SERGEF: variants seen among roughly 807,000 people sequenced by gnomAD.
SERGEF encodes the protein secretion-regulating guanine nucleotide exchange factor.
In SERGEF, 51 loss-of-function variants were observed where a neutral mutation model predicts 50.0. That is an observed-to-expected ratio of 1.02 (90% CI 0.81 to 1.29). The LOEUF (loss-of-function observed/expected upper bound fraction) is 1.29, where lower values mean the gene tolerates loss of function less well. Among genes scored for constraint, SERGEF ranks in the 50% most tolerant of loss-of-function variants. The probability of loss-of-function intolerance (pLI) is 0.00; values close to 1 mark genes in which losing one functional copy is unlikely to be tolerated. For missense variants in SERGEF, 521 were observed against 557.0 expected (o/e 0.94, Z 0.65); for synonymous variants, 205 against 212.4 (o/e 0.97, Z 0.30).
chr11:17,874,245 T>C (rs566765915), intron 10 of SERGEF: 1 of 152,398 alleles, frequency 6.6e-6, no homozygotes, highest in Admixed American at 6.5e-5. Context: ...GAACAACTTC[T>C]GGGAGTGGGT....
chr11:17,986,862 C>A (rs1853610583), intron 8 of SERGEF, among the ~76,000 whole-genome samples: 1 of 152,208 alleles, frequency 6.6e-6, no homozygotes, highest in African/African-American at 2.4e-5. Context: ...ACATCTCATA[C>A]TGGAATGTAG....
intron 6 of SERGEF, among the ~76,000 whole-genome samples, chr11:17,994,978 C>T (rs1005916325): frequency 9.9e-5 from 15 of 152,044 alleles, no homozygotes; most frequent in Admixed American, 9.2e-4. Flanking sequence ...TACAGCCAAG[C>T]CTGGGTAAAC....
Position 17,873,661 on chromosome 11 carries a change from T to TGGAGGAGGA in SERGEF, c.1048+4538_1048+4546dup, listed in dbSNP as rs145195114. Reference sequence around the variant, plus strand: ...ATTTAGTAAAAGAACTGGCTCTGCTTGGAGGAGGAGGAGGAGGAGGAGGAG... The same window carrying TGGAGGAGGA: ...ATTTAGTAAAAGAACTGGCTCTGCTTGGAGGAGGAGGAGGAGGAGGAGGAGGAGGAGGAG... On this transcript the variant is annotated intron_variant, in intron 10 of 10. Coordinates refer to ENST00000265965, the MANE Select transcript of SERGEF (RefSeq NM_012139.4). 2.2e-3 allele frequency among the ~76,000 whole-genome samples: 321 copies of TGGAGGAGGA among 148,238 alleles called. 4 individuals carry two copies. In the East Asian group the frequency reaches 0.04, roughly 18 times the overall value.
At chr11:17,944,128 C>T (rs1199566375) in intron 9 of SERGEF, among the ~76,000 whole-genome samples, 3 of 152,044 alleles carry the variant, frequency 2.0e-5, no homozygotes, top group Non-Finnish European at 2.9e-5. Context: ...GGGGTTTCGT[C>T]GTGTTAGCCA....
chr11:18,003,650 C>A (rs1854013022), intron 4 of SERGEF, among the ~76,000 whole-genome samples: 1 of 152,198 alleles, frequency 6.6e-6, no homozygotes, highest in South Asian at 2.1e-4. Flanking sequence ...TTGCAGTGAG[C>A]CGGGATCGCG....
chr11:17,950,000 T>C (rs561991660), intron 9 of SERGEF, among the ~76,000 whole-genome samples: 1 of 152,252 alleles, frequency 6.6e-6, no homozygotes, highest in South Asian at 2.1e-4. Context: ...ACCTGATGCA[T>C]TATTGGTTAG....
At chr11:17,932,403 T>TA (rs200721746) in intron 9 of SERGEF, among the ~76,000 whole-genome samples, 2,190 of 152,174 alleles carry the variant, frequency 0.014, 35 homozygotes, top group Non-Finnish European at 0.024. Context: ...AAAAAATTCA[T>TA]AAATAAGAGG....
chr11:17,972,506 A>C (rs939434092), intron 8 of SERGEF, among the ~76,000 whole-genome samples: 1 of 152,246 alleles, frequency 6.6e-6, no homozygotes, highest in Non-Finnish European at 1.5e-5. Flanking sequence ...TAGCCATAAA[A>C]TATGTTTTAA....
intron 9 of SERGEF, among the ~76,000 whole-genome samples, chr11:17,927,823 T>G (rs1019851704): frequency 1.3e-5 from 2 of 152,232 alleles, no homozygotes; most frequent in Non-Finnish European, 2.9e-5. Flanking sequence ...CATTGAAATT[T>G]GAGAAACACT....
chr11:17,873,661 TGGAGGAGGAGGAGGA>T (rs145195114), intron 10 of SERGEF, among the ~76,000 whole-genome samples: 19 of 148,250 alleles, frequency 1.3e-4, no homozygotes, highest in Admixed American at 4.0e-4. Context: ...TGGCTCTGCT[TGGAGGAGGAGGAGGA>T]GGAGGAGGAG....
At chr11:17,853,593 G>A (rs1042636425) in intron 10 of SERGEF, 4 of 152,196 alleles carry the variant, frequency 2.6e-5, no homozygotes, top group Non-Finnish European at 5.9e-5. Flanking sequence ...CAGGGAGACA[G>A]AGCCTTCCCA....
At chr11:17,874,172 T>C (rs1851200462) in intron 10 of SERGEF, 1 of 152,420 alleles carries the variant, frequency 6.6e-6, no homozygotes, top group South Asian at 2.1e-4. Context: ...GGACAACACC[T>C]GCGGAGCACC....
intron 9 of SERGEF, among the ~76,000 whole-genome samples, chr11:17,952,346 G>A (rs2133965115): frequency 6.6e-6 from 1 of 152,260 alleles, no homozygotes; most frequent in South Asian, 2.1e-4. Flanking sequence ...ACAGTTCAAT[G>A]AAAGCACTCT....
chr11:17,973,001 A>G (rs1040424105), intron 8 of SERGEF, among the ~76,000 whole-genome samples: 8 of 113,108 alleles, frequency 7.1e-5, no homozygotes, highest in Non-Finnish European at 1.5e-4. Flanking sequence ...GTGAAGTTAC[A>G]AAAAAAAAAA....
intron 3 of SERGEF, among the ~76,000 whole-genome samples, chr11:18,006,135 G>A (rs1854068313): frequency 6.6e-6 from 1 of 152,220 alleles, no homozygotes; most frequent in Non-Finnish European, 1.5e-5. Context: ...GACAACCAGA[G>A]GGAAAATTTG....
chr11:18,004,341 C>T (rs1178825345), intron 4 of SERGEF, 100 bp downstream of exon 4: 8 of 823,254 alleles, frequency 9.7e-6, no homozygotes, highest in Non-Finnish European at 1.5e-5. Flanking sequence ...TCCATGGGTT[C>T]TCAGGGATCC....
intron 10 of SERGEF, among the ~76,000 whole-genome samples, chr11:17,804,701 C>T (rs937843317): frequency 1.3e-5 from 2 of 152,080 alleles, no homozygotes; most frequent in Admixed American, 1.3e-4. Flanking sequence ...TGTTTGTTAC[C>T]TGGAAGAGAC....
chr11:18,008,585 G>A (rs1366912298), intron 1 of SERGEF, among the ~76,000 whole-genome samples: 1 of 152,184 alleles, frequency 6.6e-6, no homozygotes, highest in Non-Finnish European at 1.5e-5. Flanking sequence ...TGGAGGTAAT[G>A]GGGTAAAATG....
intron 9 of SERGEF, among the ~76,000 whole-genome samples, chr11:17,943,679 T>C (rs1341804061): frequency 6.6e-6 from 1 of 152,246 alleles, no homozygotes; most frequent in Non-Finnish European, 1.5e-5. Context: ...TCTTTTCTAA[T>C]ATATTCATTT....
Sources: allele counts gnomAD v4.1 joint callset (sites outside exome capture counted in the v4.1 genomes callset), GRCh38; gene constraint gnomAD v4.1.1; transcripts MANE v1.5; gene names NCBI Gene and HGNC (gene_info 2026-07-23, HGNC 2026-07-21).